FAF1: variants seen among roughly 807,000 people sequenced by gnomAD.
FAF1 encodes FAS-associated factor 1.
In FAF1, 25 loss-of-function variants were observed where a neutral mutation model predicts 92.5. That is an observed-to-expected ratio of 0.27 (90% CI 0.20 to 0.38). The LOEUF is 0.38. FAF1 is among the 10% of genes least tolerant of loss of function. The pLI is 1.00. For missense variants in FAF1, 636 were observed against 793.3 expected (o/e 0.80, Z 2.38); for synonymous variants, 234 against 273.2 (o/e 0.86, Z 1.42).
At chr1:50,894,202 G>C (rs915044173) in intron 1 of FAF1, among the ~76,000 whole-genome samples, 1 of 151,508 alleles carries the variant, frequency 6.6e-6, no homozygotes, top group African/African-American at 2.4e-5. Flanking sequence ...AGGAGGCTGA[G>C]GCATGAGAAT....
intron 8 of FAF1, among the ~76,000 whole-genome samples, chr1:50,626,048 G>T (rs960440298): frequency 1.3e-5 from 2 of 152,136 alleles, no homozygotes; most frequent in Non-Finnish European, 2.9e-5. Flanking sequence ...TCATGTTTTT[G>T]CATATTCCAA....
chr1:50,470,248 C>G (rs573295972), intron 18 of FAF1, among the ~76,000 whole-genome samples: 39 of 152,140 alleles, frequency 2.6e-4, no homozygotes, highest in Non-Finnish European at 5.1e-4. Flanking sequence ...AGTTCTATGA[C>G]TCTAATTTTA....
chr1:50,744,920 G>A (rs1659527550), intron 4 of FAF1, 145 bp from the exon 5 acceptor site: 1 of 471,986 alleles, frequency 2.1e-6, no homozygotes, highest in Non-Finnish European at 3.7e-6. Context: ...TATAAAATGG[G>A]AAATAATATT....
intron 8 of FAF1, among the ~76,000 whole-genome samples, chr1:50,603,639 A>AT (rs1033164133): frequency 1.4e-4 from 21 of 151,812 alleles, no homozygotes; most frequent in Non-Finnish European, 8.8e-5. Flanking sequence ...TCCCCCAGCC[A>AT]TTTTTTTTGT....
chr1:50,494,539 G>C (rs769819412), intron 15 of FAF1, among the ~76,000 whole-genome samples: 6 of 152,176 alleles, frequency 3.9e-5, no homozygotes, highest in African/African-American at 1.2e-4. Context: ...TGGGCTACTT[G>C]TCATTCAAAC....
intron 4 of FAF1, among the ~76,000 whole-genome samples, chr1:50,746,512 G>A (rs1457473483): frequency 6.6e-6 from 1 of 150,708 alleles, no homozygotes; most frequent in Non-Finnish European, 1.5e-5. Flanking sequence ...ATGTTGGTCA[G>A]GCTGGTCTCA....
intron 1 of FAF1, among the ~76,000 whole-genome samples, chr1:50,900,739 C>G (rs187100703): frequency 6.6e-6 from 1 of 152,104 alleles, no homozygotes; most frequent in Non-Finnish European, 1.5e-5. Context: ...CAATATAAAT[C>G]GTCATTTTTT....
rs775292359 is a variant in FAF1 at position 50,632,488 on chromosome 1, A to C, written c.744+22954T>G. 3.3e-5 allele frequency among the ~76,000 whole-genome samples: 5 copies of C among 152,172 alleles called. No homozygotes were observed. In the South Asian group the frequency reaches 1.0e-3, roughly 32 times the overall value. On this transcript the variant is annotated intron_variant, in intron 8 of 18. Coordinates refer to ENST00000396153, the MANE Select transcript of FAF1 (RefSeq NM_007051.3). ...CACATCTATTAGAAATTGGGAACAC[A>C]TCTATTCTTTTTAATCTCTTCAGAT...
intron 8 of FAF1, among the ~76,000 whole-genome samples, chr1:50,631,913 A>C (rs1653807347): frequency 6.6e-6 from 1 of 152,214 alleles, no homozygotes; most frequent in Non-Finnish European, 1.5e-5. Context: ...TTTATTATTA[A>C]AATGATTGTC....
At chr1:50,789,095 A>G (rs1038014323) in intron 3 of FAF1, among the ~76,000 whole-genome samples, 1 of 152,162 alleles carries the variant, frequency 6.6e-6, no homozygotes, top group Non-Finnish European at 1.5e-5. Context: ...TCTGACTCCC[A>G]AAGTGCTGGG....
chr1:50,622,997 C>T (rs2124182119), intron 8 of FAF1, among the ~76,000 whole-genome samples: 1 of 152,246 alleles, frequency 6.6e-6, no homozygotes, highest in African/African-American at 2.4e-5. Context: ...CCATACTGTA[C>T]CCTAGTTTTT....
chr1:50,824,051 A>G (rs1644070019), intron 2 of FAF1, among the ~76,000 whole-genome samples: 1 of 152,300 alleles, frequency 6.6e-6, no homozygotes, highest in Middle Eastern at 3.4e-3. Context: ...TGGTAAAGAG[A>G]AAGGCTAATT....
In FAF1 at chr1:50,860,967, G is replaced by A. The variant is rs565507722; in HGVS notation, c.46-2970C>T. Among the ~76,000 whole-genome samples the A allele has an allele frequency of 5.3e-5, 8 of 151,896 alleles. No individual in the cohort carries two copies. In the South Asian group the frequency reaches 1.2e-3, roughly 24 times the overall value. On this transcript the variant is annotated intron_variant, in intron 1 of 18. Transcript: ENST00000396153. ...TAAGCTGGAAGCCATAATCCTAAGC[G>A]AATTAATGCAGAAAGAAAAAACAAT...
At chr1:50,549,270 A>G (rs1309598534) in intron 13 of FAF1, among the ~76,000 whole-genome samples, 1 of 152,118 alleles carries the variant, frequency 6.6e-6, no homozygotes, top group Non-Finnish European at 1.5e-5. Flanking sequence ...CATGTTCCCT[A>G]AATTTTCTAG....
At chr1:50,732,484 A>G (rs913502058) in intron 6 of FAF1, among the ~76,000 whole-genome samples, 8 of 152,198 alleles carry the variant, frequency 5.3e-5, no homozygotes, top group Non-Finnish European at 8.8e-5. Flanking sequence ...TGCAATTGTC[A>G]TATCTTCTTG....
chr1:50,751,342 T>C (rs1659860234), intron 4 of FAF1, among the ~76,000 whole-genome samples: 1 of 152,028 alleles, frequency 6.6e-6, no homozygotes, highest in Admixed American at 6.6e-5. Flanking sequence ...GTTTGATTGT[T>C]TGTTTGTTTT....
chr1:50,672,282 C>G (rs1443317829), intron 7 of FAF1, among the ~76,000 whole-genome samples: 1 of 151,950 alleles, frequency 6.6e-6, no homozygotes, highest in Non-Finnish European at 1.5e-5. Flanking sequence ...ACCTTGTGAT[C>G]CACCCGCCTC....
In FAF1 at chr1:50,736,870, T is replaced by C. The variant is rs182659179; in HGVS notation, c.551+1993A>G. Among the ~76,000 whole-genome samples, 3 of 146,286 alleles carry C rather than the reference T, an allele frequency of 2.1e-5. No individual in the cohort carries two copies. The South Asian group carries it at 6.2e-4, about 30-fold the overall frequency. ...ATCAACTTTTAAGGTTCTGCATGGA[T>C]TTTGTTTTGTTTTTTAAATTGTCTC... On this transcript the variant is annotated intron_variant, in intron 6 of 18. Transcript: ENST00000396153.
intron 1 of FAF1, among the ~76,000 whole-genome samples, chr1:50,935,463 A>C (rs1454924975): frequency 6.7e-6 from 1 of 149,144 alleles, no homozygotes. Flanking sequence ...CCCTGGCCTG[A>C]TTTACTCTCT....
Sources: allele counts gnomAD v4.1 joint callset (sites outside exome capture counted in the v4.1 genomes callset), GRCh38; gene constraint gnomAD v4.1.1; transcripts MANE v1.5; gene names NCBI Gene and HGNC (gene_info 2026-07-23, HGNC 2026-07-21).